Variants in SPAG16 observed in about 807,000 individuals in gnomAD.
The protein encoded by SPAG16 is sperm associated antigen 16.
Under a neutral mutation model 80.4 loss-of-function variants are expected in SPAG16, and 86 were observed. That is an observed-to-expected ratio of 1.07 (90% CI 0.90 to 1.28). The LOEUF (loss-of-function observed/expected upper bound fraction) is 1.28. Among genes scored for constraint, SPAG16 ranks in the 50% most tolerant of loss-of-function variants. The pLI, the probability that SPAG16 is intolerant of heterozygous loss-of-function variation, is 0.00. For missense variants in SPAG16, 870 were observed against 765.3 expected (o/e 1.14, Z -1.61); for synonymous variants, 294 against 265.9 (o/e 1.11, Z -1.03).
At chr2:214,275,425 C>A (rs994766735) in intron 15 of SPAG16, among the ~76,000 whole-genome samples, 2 of 152,020 alleles carry the variant, frequency 1.3e-5, no homozygotes, top group African/African-American at 4.8e-5. Flanking sequence ...CTTTTGTGGG[C>A]ATTTAGTGCT....
intron 15 of SPAG16, among the ~76,000 whole-genome samples, chr2:214,184,035 T>A (rs1423538726): frequency 1.3e-5 from 2 of 152,092 alleles, no homozygotes; most frequent in African/African-American, 2.4e-5. Context: ...ACATTCTAAA[T>A]GTTTATTTTC....
chr2:213,603,451 G>A (rs930270508), intron 10 of SPAG16, among the ~76,000 whole-genome samples: 7 of 152,148 alleles, frequency 4.6e-5, no homozygotes, highest in African/African-American at 1.7e-4. Context: ...AAATGGAGTT[G>A]AGTTTATTAA....
At chr2:214,124,123 A>G (rs1440885315) in intron 14 of SPAG16, among the ~76,000 whole-genome samples, 2 of 152,060 alleles carry the variant, frequency 1.3e-5, no homozygotes, top group African/African-American at 4.8e-5. Flanking sequence ...TTAAGAGGAC[A>G]TAGGACCATG....
At chr2:214,226,957 G>C (rs1458375782) in intron 15 of SPAG16, among the ~76,000 whole-genome samples, 1 of 151,902 alleles carries the variant, frequency 6.6e-6, no homozygotes, top group Non-Finnish European at 1.5e-5. Flanking sequence ...TGCCAAGTAT[G>C]AATCAAAATA....
At chr2:213,720,367 C>T (rs1018600398) in intron 10 of SPAG16, among the ~76,000 whole-genome samples, 1 of 151,770 alleles carries the variant, frequency 6.6e-6, no homozygotes, top group East Asian at 1.9e-4. Flanking sequence ...GTGGCTAACA[C>T]CTGTAATCCC....
intron 10 of SPAG16, among the ~76,000 whole-genome samples, chr2:213,580,670 A>G (rs1239430022): frequency 6.6e-6 from 1 of 152,168 alleles, no homozygotes; most frequent in Non-Finnish European, 1.5e-5. Flanking sequence ...AGAAGAATAA[A>G]AAAGTCATCT....
intron 10 of SPAG16, among the ~76,000 whole-genome samples, chr2:213,509,723 C>G (rs988135951): frequency 1.3e-5 from 2 of 151,990 alleles, no homozygotes; most frequent in African/African-American, 4.8e-5. Context: ...CATGAAAGAT[C>G]TAAAATTGAC....
At chr2:214,340,655 T>C (rs139442585) in intron 15 of SPAG16, among the ~76,000 whole-genome samples, 153 of 152,326 alleles carry the variant, frequency 1.0e-3, no homozygotes, top group African/African-American at 3.6e-3. Context: ...CAGCTTCAGA[T>C]AACACATATT....
intron 9 of SPAG16, among the ~76,000 whole-genome samples, chr2:213,415,083 G>A (rs940080769): frequency 2.0e-5 from 3 of 152,184 alleles, no homozygotes; most frequent in Non-Finnish European, 4.4e-5. Flanking sequence ...TGGGAATTAC[G>A]GGAGTACAAT....
intron 10 of SPAG16, among the ~76,000 whole-genome samples, chr2:213,504,129 A>G (rs2074864579): frequency 6.6e-6 from 1 of 152,026 alleles, no homozygotes; most frequent in African/African-American, 2.4e-5. Context: ...ATTGTTTGTG[A>G]CTCTTGCTAA....
chr2:213,507,788 T>C (rs927092723), intron 10 of SPAG16, among the ~76,000 whole-genome samples: 1 of 152,250 alleles, frequency 6.6e-6, no homozygotes, highest in Non-Finnish European at 1.5e-5. Context: ...TGCCATCTCT[T>C]TTCTGTCTTC....
At chr2:213,412,398 C>T (rs532788238) in intron 9 of SPAG16, among the ~76,000 whole-genome samples, 1 of 152,078 alleles carries the variant, frequency 6.6e-6, no homozygotes, top group Non-Finnish European at 1.5e-5. Context: ...TAAGTGCGCA[C>T]CTTTCTATAT....
intron 9 of SPAG16, among the ~76,000 whole-genome samples, chr2:213,460,956 T>G (rs1000811821): frequency 6.6e-6 from 1 of 152,150 alleles, no homozygotes; most frequent in Admixed American, 6.5e-5. Flanking sequence ...TATTTATACA[T>G]GAATATAAAA....
chr2:213,890,656 ACT>A (rs1290264099), intron 11 of SPAG16, among the ~76,000 whole-genome samples: 1 of 151,368 alleles, frequency 6.6e-6, no homozygotes, highest in Non-Finnish European at 1.5e-5. Context: ...ATTTTCTTTA[ACT>A]CTTATTCTAT....
chr2:213,488,307 A>G (rs1419728433), intron 9 of SPAG16, among the ~76,000 whole-genome samples: 1 of 152,206 alleles, frequency 6.6e-6, no homozygotes, highest in Non-Finnish European at 1.5e-5. Context: ...ACAGTACTAC[A>G]TGACTGGCAG....
intron 12 of SPAG16, among the ~76,000 whole-genome samples, chr2:213,932,949 AACACACACACACACACACACAC>A (rs3076792): frequency 4.9e-5 from 7 of 143,944 alleles, no homozygotes; most frequent in Non-Finnish European, 9.1e-5. Context: ...GTTGTTTGAA[AACACACACACACACACACACAC>A]ACACACACAC....
chr2:213,919,743 G>T (rs1431585302), intron 11 of SPAG16, among the ~76,000 whole-genome samples: 2 of 152,162 alleles, frequency 1.3e-5, no homozygotes, highest in Non-Finnish European at 2.9e-5. Context: ...TGTGCATGTG[G>T]CAATGAGAAG....
chr2:214,314,328 T>C (rs1007661916), intron 15 of SPAG16, among the ~76,000 whole-genome samples: 22 of 152,350 alleles, frequency 1.4e-4, no homozygotes, highest in African/African-American at 4.6e-4. Flanking sequence ...TTAGCACAAA[T>C]ATTGAGTTAC....
chr2:213,607,368 T>C (rs1273121631), intron 10 of SPAG16, among the ~76,000 whole-genome samples: 1 of 152,196 alleles, frequency 6.6e-6, no homozygotes, highest in Non-Finnish European at 1.5e-5. Flanking sequence ...ATTTTCTCAG[T>C]GCCTAAGTAA....
Sources: gnomAD v4.1 joint callset for allele counts (sites outside exome capture counted in the v4.1 genomes callset) on GRCh38, gnomAD v4.1.1 for gene constraint, MANE v1.5 for transcripts, NCBI Gene and HGNC (gene_info 2026-07-23, HGNC 2026-07-21) for gene names.